The following SNX3 variants were observed in gnomAD, a reference collection of about 807,000 sequenced individuals.
SNX3 encodes sorting nexin-3.
A neutral mutation model predicts 17.7 loss-of-function variants in SNX3; 5 were observed. The ratio of observed to expected loss-of-function variants is 0.28; its 90% CI spans 0.15 to 0.59. The LOEUF is 0.59. SNX3 is among the 20% of genes least tolerant of loss of function. The pLI is 0.88. For missense variants in SNX3, 132 were observed against 206.8 expected, an observed-to-expected ratio of 0.64 and a Z score of 2.22; for synonymous variants, 91 against 76.5, an observed-to-expected ratio of 1.19 and a Z score of -0.99.
chr6:108,214,700 G>A, intron 2 of SNX3, 78 bp from the exon 3 acceptor site: 2 of 1,439,376 alleles, frequency 1.4e-6, no homozygotes, highest in South Asian at 1.3e-5. Context: ...TGAAGACAAA[G>A]CATGTCCTCA....
chr6:108,231,855 C>G (rs1463221580), intron 1 of SNX3, among the ~76,000 whole-genome samples: 1 of 152,028 alleles, frequency 6.6e-6, no homozygotes, highest in African/African-American at 2.4e-5. Context: ...GAAGGAAAGC[C>G]CCACTCCCTG....
intron 1 of SNX3, among the ~76,000 whole-genome samples, chr6:108,239,336 T>C (rs590992): frequency 5.1e-4 from 77 of 152,130 alleles, no homozygotes; most frequent in Admixed American, 7.9e-4. Context: ...TAATCTGAGT[T>C]TTACCATCTT....
chr6:108,245,809 T>G (rs887081522), intron 1 of SNX3, among the ~76,000 whole-genome samples: 3 of 152,218 alleles, frequency 2.0e-5, no homozygotes, highest in East Asian at 3.8e-4. Context: ...GTTTTTTTCT[T>G]ATAAATTTAA....
chr6:108,246,313 C>CTTTTTTTTTTTTTTTTTTTTTTTT (rs71015538), intron 1 of SNX3, among the ~76,000 whole-genome samples: 1 of 47,972 alleles, frequency 2.1e-5, no homozygotes, highest in African/African-American at 9.0e-5. Flanking sequence ...TTTGAGCATT[C>CTTTTTTTTTTTTTTTTTTTTTTTT]TTTTTTTTTT....
intron 1 of SNX3, among the ~76,000 whole-genome samples, chr6:108,256,193 T>G (rs1008619946): frequency 6.6e-6 from 1 of 152,286 alleles, no homozygotes; most frequent in Non-Finnish European, 1.5e-5. Context: ...ACTGCACCAC[T>G]GCACTCTAGG....
Position 108,254,130 on chromosome 6 carries a change from GAA to G in SNX3, c.162+6628_162+6629del, listed in dbSNP as rs36069364. ...TGACAGAGTGAGATTCCGTCTCAAAGAAAAAAAAAAAAACCGCCACTGCCCAA... is the reference window on the plus strand; with the variant it reads ...TGACAGAGTGAGATTCCGTCTCAAAGAAAAAAAAAAACCGCCACTGCCCAA... On this transcript the variant is annotated intron_variant, in intron 1 of 3. Transcript: ENST00000230085. Among the ~76,000 whole-genome samples the G allele has an allele frequency of 4.4e-3, 610 of 137,422 alleles. 6 individuals carry two copies. The highest frequency in any genetic ancestry group is 0.015 in the African/African-American group (565 of 38,212). The allele number at this position is 137,422 out of a possible 152,430, so 90.2% of individuals were successfully genotyped here.
At chr6:108,255,672 T>G (rs1700386500) in intron 1 of SNX3, among the ~76,000 whole-genome samples, 1 of 152,284 alleles carries the variant, frequency 6.6e-6, no homozygotes, top group Admixed American at 6.5e-5. Context: ...TAAAATACTA[T>G]TAATATTTTA....
chr6:108,223,497 CTTT>C (rs59920022), intron 1 of SNX3, among the ~76,000 whole-genome samples: 3 of 110,362 alleles, frequency 2.7e-5, no homozygotes, highest in African/African-American at 4.2e-5. Context: ...TTTGCTAGTT[CTTT>C]TTTTTTTTTT....
In SNX3 at chr6:108,212,013, C is replaced by CA; in HGVS notation, c.*135dup. 1 of 554,444 alleles carries CA rather than the reference C, an allele frequency of 1.8e-6. No individual in the cohort carries two copies. The highest frequency in any genetic ancestry group is 3.3e-5 in the East Asian group (1 of 30,706). 34.3% of individuals were successfully genotyped at this position (554,444 alleles called of 1,614,324 possible). A position where few individuals can be genotyped will look rare whatever the true frequency, so the allele number is the denominator to read the frequency against. ...CTTCTTGTCAACTGCCAAAACAAAA[C>CA]AAAACTGAGCATATGAGTGTTAGTA... On this transcript the variant is annotated 3_prime_UTR_variant, in exon 4 of 4. Transcript: ENST00000230085.
intron 2 of SNX3, chr6:108,222,364 T>C: frequency 1.5e-6 from 2 of 1,300,566 alleles, no homozygotes; most frequent in Non-Finnish European, 2.0e-6. Flanking sequence ...TTAATTTATT[T>C]TGATGCCAAA....
At chr6:108,242,517 G>C (rs1485285719) in intron 1 of SNX3, among the ~76,000 whole-genome samples, 2 of 152,146 alleles carry the variant, frequency 1.3e-5, no homozygotes, top group African/African-American at 4.8e-5. Flanking sequence ...CATATTCAGA[G>C]CGCTCAAAGA....
intron 1 of SNX3, among the ~76,000 whole-genome samples, chr6:108,237,290 C>A (rs1775377191): frequency 6.6e-6 from 1 of 152,170 alleles, no homozygotes; most frequent in African/African-American, 2.4e-5. Flanking sequence ...CCTTCCAATA[C>A]CTTCCCCTCT....
At chr6:108,242,198 G>A (rs754424094) in intron 1 of SNX3, among the ~76,000 whole-genome samples, 16 of 152,080 alleles carry the variant, frequency 1.1e-4, no homozygotes, top group Non-Finnish European at 1.9e-4. Context: ...GGGACCTGTA[G>A]GATACTAACA....
chr6:108,238,630 A>C lies in SNX3; in HGVS notation c.163-15585T>G, dbSNP rs552322802. Among the ~76,000 whole-genome samples the C allele has an allele frequency of 1.1e-3, 161 of 152,256 alleles. 1 individual carries two copies. Among genetic ancestry groups the C allele is most frequent in the Admixed American group, 3.4e-3 (52 of 15,296 alleles). ...CCATAAAAAAGAAAATTTTTTTAAA[A>C]AGTGTCCAAGTTTTCATGCTTGTAT... On this transcript the variant is annotated intron_variant, in intron 1 of 3. Transcript: ENST00000230085.
chr6:108,229,397 T>C (rs1209670605), intron 1 of SNX3, among the ~76,000 whole-genome samples: 1 of 152,086 alleles, frequency 6.6e-6, no homozygotes, highest in Non-Finnish European at 1.5e-5. Flanking sequence ...TTTCTTTCCT[T>C]TCCTCAGTCT....
At chr6:108,241,142 T>G (rs1328714738) in intron 1 of SNX3, among the ~76,000 whole-genome samples, 1 of 24,270 alleles carries the variant, frequency 4.1e-5, no homozygotes, top group Non-Finnish European at 8.0e-5. Context: ...AGACTCCGTC[T>G]CAAAAAAAAA....
intron 2 of SNX3, among the ~76,000 whole-genome samples, chr6:108,219,600 G>C (rs949320230): frequency 1.3e-5 from 2 of 152,180 alleles, no homozygotes; most frequent in African/African-American, 4.8e-5. Flanking sequence ...AACAGAGCAA[G>C]GCTCTGTCAA....
chr6:108,224,337 G>T (rs1191291919), intron 1 of SNX3, among the ~76,000 whole-genome samples: 2 of 152,174 alleles, frequency 1.3e-5, no homozygotes, highest in Non-Finnish European at 2.9e-5. Flanking sequence ...CTGTAGTGCA[G>T]TGGCGTGATC....
intron 2 of SNX3, among the ~76,000 whole-genome samples, chr6:108,216,473 A>G (rs73762173): frequency 0.067 from 10,241 of 152,228 alleles, 1,143 homozygotes; most frequent in African/African-American, 0.23. Context: ...CCCCTGTCTT[A>G]GGCTTCTTGT....
Sources: gnomAD v4.1 joint callset for allele counts (sites outside exome capture counted in the v4.1 genomes callset) on GRCh38, gnomAD v4.1.1 for gene constraint, MANE v1.5 for transcripts, NCBI Gene and HGNC (gene_info 2026-07-23, HGNC 2026-07-21) for gene names.